The following ATP6V1H variants were observed in gnomAD, a reference collection of about 807,000 sequenced individuals.
ATP6V1H encodes V-type proton ATPase subunit H.
Under a neutral mutation model 71.7 loss-of-function variants are expected in ATP6V1H, and 39 were observed. The ratio of observed to expected loss-of-function variants is 0.54; its 90% CI spans 0.42 to 0.71. The LOEUF is 0.71. Ranked by LOEUF, ATP6V1H falls within the 30% of genes least tolerant of loss-of-function variation. The pLI is 0.00. For missense variants in ATP6V1H, 509 were observed against 594.9 expected (o/e 0.86, Z 1.50); for synonymous variants, 192 against 199.3 (o/e 0.96, Z 0.31).
At chr8:53,771,284 G>A (rs1039737346) in intron 10 of ATP6V1H, among the ~76,000 whole-genome samples, 6 of 152,166 alleles carry the variant, frequency 3.9e-5, no homozygotes, top group Admixed American at 3.9e-4. Flanking sequence ...TATTTCCAGA[G>A]AGTAACTCTT....
intron 9 of ATP6V1H, among the ~76,000 whole-genome samples, chr8:53,780,527 TTTTTTC>T (rs1455453812): frequency 6.6e-6 from 1 of 152,118 alleles, no homozygotes; most frequent in African/African-American, 2.4e-5. Flanking sequence ...TGTTATATTT[TTTTTTC>T]TTTTTTTTAA....
intron 8 of ATP6V1H, among the ~76,000 whole-genome samples, chr8:53,796,870 C>T (rs1211790351): frequency 2.6e-5 from 4 of 152,178 alleles, no homozygotes; most frequent in Non-Finnish European, 4.4e-5. Flanking sequence ...CCTGATTTTA[C>T]AATCTAAACT....
intron 9 of ATP6V1H, among the ~76,000 whole-genome samples, chr8:53,772,928 C>G (rs981018590): frequency 9.9e-6 from 1 of 101,090 alleles, no homozygotes; most frequent in Non-Finnish European, 1.9e-5. Context: ...AAAAACAAAA[C>G]AGTAACAATT....
intron 7 of ATP6V1H, among the ~76,000 whole-genome samples, chr8:53,810,576 C>T (rs1207405614): frequency 6.6e-6 from 1 of 152,110 alleles, no homozygotes; most frequent in African/African-American, 2.4e-5. Context: ...CTCATCTCTA[C>T]TAAAAATACA....
chr8:53,798,147 T>C (rs899939185), intron 8 of ATP6V1H, among the ~76,000 whole-genome samples: 1 of 152,208 alleles, frequency 6.6e-6, no homozygotes, highest in Non-Finnish European at 1.5e-5. Flanking sequence ...ATAAACAGTG[T>C]TGTATTATGT....
intron 9 of ATP6V1H, among the ~76,000 whole-genome samples, chr8:53,787,579 T>C (rs976481915): frequency 2.0e-5 from 3 of 152,222 alleles, no homozygotes; most frequent in Non-Finnish European, 4.4e-5. Flanking sequence ...TATATCACTG[T>C]AAAAATACAA....
intron 8 of ATP6V1H, among the ~76,000 whole-genome samples, chr8:53,801,207 A>AACT (rs1209095103): frequency 3.3e-5 from 5 of 150,912 alleles, no homozygotes; most frequent in African/African-American, 1.2e-4. Context: ...TGATAACCTA[A>AACT]ACTCCTCTGT....
At chr8:53,838,252 A>T (rs1236552737) in intron 2 of ATP6V1H, among the ~76,000 whole-genome samples, 1 of 151,930 alleles carries the variant, frequency 6.6e-6, no homozygotes, top group African/African-American at 2.4e-5. Context: ...CAGCCTCCCA[A>T]GTAGCTGGGA....
intron 10 of ATP6V1H, 44 bp from the exon 11 acceptor site, chr8:53,769,787 C>T: frequency 2.6e-6 from 4 of 1,511,774 alleles, no homozygotes; most frequent in Non-Finnish European, 3.6e-6. Context: ...AAGAATCTGA[C>T]AGTACTCCAA....
chr8:53,765,079 T>G (rs186929194), intron 11 of ATP6V1H, among the ~76,000 whole-genome samples: 100 of 152,088 alleles, frequency 6.6e-4, no homozygotes, highest in Admixed American at 1.8e-3. Flanking sequence ...CACTCCAATC[T>G]GGGTGACAGA....
chr8:53,804,405 T>G (rs1301266385), intron 7 of ATP6V1H, among the ~76,000 whole-genome samples: 1 of 152,230 alleles, frequency 6.6e-6, no homozygotes, highest in East Asian at 1.9e-4. Context: ...CCAGGCACAG[T>G]GGCTCACACC....
chr8:53,829,861 T>C (rs1396105158), intron 3 of ATP6V1H, among the ~76,000 whole-genome samples: 2 of 152,144 alleles, frequency 1.3e-5, no homozygotes, highest in East Asian at 3.8e-4. Flanking sequence ...TGGTTTTGAG[T>C]ATTTTATTTG....
intron 2 of ATP6V1H, 47 bp downstream of exon 2, chr8:53,841,531 T>C (rs886822981): frequency 7.6e-6 from 12 of 1,588,608 alleles, no homozygotes; most frequent in Non-Finnish European, 9.5e-6. Flanking sequence ...AAAAGTCTGA[T>C]GCAAAAGCAT....
intron 13 of ATP6V1H, among the ~76,000 whole-genome samples, chr8:53,732,722 A>C (rs1807068183): frequency 6.6e-6 from 1 of 152,160 alleles, no homozygotes; most frequent in Non-Finnish European, 1.5e-5. Flanking sequence ...CAGAATTAAA[A>C]GAAGAAATCC....
chr8:53,817,383 T>G (rs1478394836), intron 5 of ATP6V1H, 34 bp downstream of exon 5: 1 of 1,488,166 alleles, frequency 6.7e-7, no homozygotes, highest in Non-Finnish European at 9.3e-7. Flanking sequence ...TTAAAAAAAT[T>G]TTAAAAAAAG....
chr8:53,750,532 C>G (rs932702578), intron 12 of ATP6V1H, among the ~76,000 whole-genome samples: 1 of 151,944 alleles, frequency 6.6e-6, no homozygotes, highest in South Asian at 2.1e-4. Context: ...TTTCCAAGAA[C>G]GTATGGATGA....
chr8:53,762,453 G>A (rs564125858), intron 11 of ATP6V1H, among the ~76,000 whole-genome samples: 10 of 151,982 alleles, frequency 6.6e-5, no homozygotes, highest in East Asian at 1.9e-4. Flanking sequence ...CGAAATACCC[G>A]TCAAACCATT....
intron 12 of ATP6V1H, among the ~76,000 whole-genome samples, chr8:53,753,573 A>C (rs1168105886): frequency 6.6e-6 from 1 of 152,268 alleles, no homozygotes; most frequent in Non-Finnish European, 1.5e-5. Context: ...GAATTCTTCA[A>C]CATGCTTTTC....
chr8:53,737,865 ACT>A lies in ATP6V1H; in HGVS notation c.1391+5710_1391+5711del, dbSNP rs1807276796. Among the ~76,000 whole-genome samples, 4 of 152,186 alleles carry A rather than the reference ACT, an allele frequency of 2.6e-5. No homozygotes were observed. The South Asian group carries it at 8.3e-4, about 32-fold the overall frequency. On this transcript the variant is annotated intron_variant, in intron 13 of 13. Coordinates refer to ENST00000359530, the MANE Select transcript of ATP6V1H (RefSeq NM_015941.4). ...ACCTTTCTTAAGACAATAGGCTGAT[ACT>A]CTTCCTCCTCTTTTTGGTCAATTCC...
Sources: allele counts gnomAD v4.1 joint callset (sites outside exome capture counted in the v4.1 genomes callset), GRCh38; gene constraint gnomAD v4.1.1; transcripts MANE v1.5; gene names NCBI Gene and HGNC (gene_info 2026-07-23, HGNC 2026-07-21).